Variants in PGCKA1 observed in about 807,000 individuals in gnomAD.
The protein encoded by PGCKA1 is PDCD10 and GCKIII kinases associated 1.
the PGCKA1 span, among the ~76,000 whole-genome samples, chr4:37,466,785 A>G: frequency 9.2e-5 from 14 of 152,270 alleles, no homozygotes; most frequent in African/African-American, 3.1e-4. Flanking sequence ...GATGAAAAAA[A>G]TCCATATATC....
the PGCKA1 span, among the ~76,000 whole-genome samples, chr4:37,571,359 T>A: frequency 2.7e-3 from 331 of 121,120 alleles, 17 homozygotes; most frequent in Non-Finnish European, 2.5e-3. Context: ...ATTATCCTTT[T>A]TTTTTTTTTT....
chr4:37,472,384 A>C, the PGCKA1 span, among the ~76,000 whole-genome samples: 1 of 152,072 alleles, frequency 6.6e-6, no homozygotes, highest in Non-Finnish European at 1.5e-5. Context: ...ATCAACTCTA[A>C]CCAAATAAAA....
chr4:37,502,922 C>G, the PGCKA1 span, among the ~76,000 whole-genome samples: 10 of 152,174 alleles, frequency 6.6e-5, no homozygotes, highest in South Asian at 2.1e-3. Flanking sequence ...TTGCTGAGGT[C>G]GGACTGGCCC....
chr4:37,592,986 C>T, the PGCKA1 span, among the ~76,000 whole-genome samples: 35,227 of 152,082 alleles, frequency 0.23, 5,796 homozygotes, highest in African/African-American at 0.44. Flanking sequence ...CCTTTAAGGA[C>T]GGCACCCTTA....
the PGCKA1 span, among the ~76,000 whole-genome samples, chr4:37,582,858 T>C: frequency 6.6e-6 from 1 of 152,208 alleles, no homozygotes; most frequent in Non-Finnish European, 1.5e-5. Flanking sequence ...CCTGTCCTCC[T>C]CAAAATTTCA....
At chr4:37,473,659 C>G in the PGCKA1 span, among the ~76,000 whole-genome samples, 1 of 152,150 alleles carries the variant, frequency 6.6e-6, no homozygotes, top group Non-Finnish European at 1.5e-5. Context: ...AGGGGACACC[C>G]AGAAAATCTC....
At chr4:37,553,381 T>C in the PGCKA1 span, among the ~76,000 whole-genome samples, 73 of 151,668 alleles carry the variant, frequency 4.8e-4, no homozygotes, top group Middle Eastern at 3.4e-3. Context: ...ACTTCTTACT[T>C]TACCCCTGGA....
chr4:37,482,586 C>T, the PGCKA1 span, among the ~76,000 whole-genome samples: 6 of 152,198 alleles, frequency 3.9e-5, no homozygotes, highest in African/African-American at 9.6e-5. Flanking sequence ...AAAAGAAAAC[C>T]CTTTTTCTGG....
chr4:37,488,996 C>T, the PGCKA1 span, among the ~76,000 whole-genome samples: 1 of 152,090 alleles, frequency 6.6e-6, no homozygotes. Flanking sequence ...GCCAGCTTCT[C>T]CTAAGCGGTT....
the PGCKA1 span, among the ~76,000 whole-genome samples, chr4:37,557,676 TC>T: frequency 6.6e-6 from 1 of 152,358 alleles, no homozygotes; most frequent in East Asian, 1.9e-4. Context: ...AGACATTCAG[TC>T]CATAGTAGAT....
At chr4:37,546,887 G>T in the PGCKA1 span, among the ~76,000 whole-genome samples, 1 of 152,260 alleles carries the variant, frequency 6.6e-6, no homozygotes, top group Non-Finnish European at 1.5e-5. Flanking sequence ...CACCAGGAAG[G>T]AACTGGCATT....
chr4:37,579,121 A>G, the PGCKA1 span, among the ~76,000 whole-genome samples: 3 of 152,312 alleles, frequency 2.0e-5, no homozygotes, highest in South Asian at 6.2e-4. Flanking sequence ...GCTTGCATAA[A>G]CAAACCAACA....
the PGCKA1 span, among the ~76,000 whole-genome samples, chr4:37,528,027 G>A: frequency 6.6e-6 from 1 of 152,118 alleles, no homozygotes; most frequent in African/African-American, 2.4e-5. Context: ...CTCAGAATGT[G>A]TCTTTGTAGT....
the PGCKA1 span, among the ~76,000 whole-genome samples, chr4:37,546,294 G>A: frequency 7.9e-5 from 12 of 152,288 alleles, no homozygotes; most frequent in South Asian, 1.9e-3. Flanking sequence ...GCAGCCTGGC[G>A]CCAGGCCTAA....
At chr4:37,540,681 G>C in the PGCKA1 span, among the ~76,000 whole-genome samples, 1 of 152,116 alleles carries the variant, frequency 6.6e-6, no homozygotes, top group African/African-American at 2.4e-5. Flanking sequence ...AAGGCCCCCA[G>C]CTGAATCGTA....
the PGCKA1 span, among the ~76,000 whole-genome samples, chr4:37,540,945 C>T: frequency 8.4e-3 from 1,234 of 146,660 alleles, 19 homozygotes; most frequent in African/African-American, 0.03. Flanking sequence ...AAAAAAACCC[C>T]TTTTTTTTTT....
At chr4:37,537,090 C>T in the PGCKA1 span, among the ~76,000 whole-genome samples, 7 of 152,324 alleles carry the variant, frequency 4.6e-5, no homozygotes, top group Admixed American at 2.0e-4. Context: ...ATTGCTTGAC[C>T]TGTGCCAATG....
the PGCKA1 span, among the ~76,000 whole-genome samples, chr4:37,526,317 A>T: frequency 6.6e-6 from 1 of 152,260 alleles, no homozygotes; most frequent in Non-Finnish European, 1.5e-5. Flanking sequence ...GTCTAGAATC[A>T]ATCATTTTTA....
chr4:37,588,986 AT>A, the PGCKA1 span: 1 of 976,586 alleles, frequency 1.0e-6, no homozygotes, highest in East Asian at 2.4e-5. Flanking sequence ...TATTCAGTGC[AT>A]TTATCCAGCT....
Sources: allele counts gnomAD v4.1 joint callset (sites outside exome capture counted in the v4.1 genomes callset), GRCh38; gene constraint gnomAD v4.1.1; transcripts MANE v1.5; gene names NCBI Gene and HGNC (gene_info 2026-07-23, HGNC 2026-07-21).